DPP10: variants seen among roughly 807,000 people sequenced by gnomAD.
The protein encoded by DPP10 is dipeptidyl peptidase like 10.
DPP10 carries 33 observed loss-of-function variants against 120.9 expected under a neutral mutation model. That is an observed-to-expected ratio of 0.27 (90% CI 0.21 to 0.37). The LOEUF (loss-of-function observed/expected upper bound fraction) is 0.37. DPP10 is among the 10% of genes least tolerant of loss of function. The probability of loss-of-function intolerance (pLI) is 1.00; values close to 1 mark genes in which losing one functional copy is unlikely to be tolerated. For missense variants in DPP10, 816 were observed against 942.8 expected (o/e 0.87, Z 1.76); for synonymous variants, 337 against 326.1 (o/e 1.03, Z -0.36).
rs538117331 is a variant in DPP10, at chr2:115,039,547, G to C, written c.61-269692G>C. Among the ~76,000 whole-genome samples, 12 of 152,164 alleles carry C rather than the reference G, an allele frequency of 7.9e-5. No individual in the cohort carries two copies. The East Asian group carries it at 2.3e-3, about 30-fold the overall frequency. On this transcript the variant is annotated intron_variant, in intron 1 of 25. Transcript: ENST00000410059. ...GAGGTCAAGACCTTCCCAGTGGTTT[G>C]TTTTTGACCTGGAAAATTTTGTGTG... is the stretch of plus-strand genomic sequence containing the variant.
intron 1 of DPP10, among the ~76,000 whole-genome samples, chr2:114,989,267 G>A (rs1162250335): frequency 6.6e-6 from 1 of 152,072 alleles, no homozygotes; most frequent in African/African-American, 2.4e-5. Flanking sequence ...TCTATGCAAG[G>A]TTCTCTTATA....
intron 16 of DPP10, 69 bp from the exon 17 acceptor site, chr2:115,782,283 T>C (rs1368551991): frequency 7.1e-7 from 1 of 1,402,072 alleles, no homozygotes; most frequent in Non-Finnish European, 9.9e-7. Flanking sequence ...AAAACTATTA[T>C]GTAAACTTTC....
At position 115,604,831 on chromosome 2, in the gene DPP10, C is replaced by T. The variant is rs374753864; in HGVS notation, c.441+78859C>T. 1.5e-4 allele frequency among the ~76,000 whole-genome samples: 23 copies of T among 152,288 alleles called. No homozygotes were observed. In the South Asian group the frequency reaches 4.8e-3, roughly 32 times the overall value. ...ATACTGCAAAAACTCCTGTGTAAGA[C>T]TGTTTAGGTCATTTAAAGTCTGCAC... On this transcript the variant is annotated intron_variant, in intron 5 of 25. Transcript: ENST00000410059.
chr2:114,934,579 C>T (rs1318473736), intron 1 of DPP10, among the ~76,000 whole-genome samples: 1 of 151,794 alleles, frequency 6.6e-6, no homozygotes, highest in Admixed American at 6.6e-5. Flanking sequence ...ATAAGTGGAC[C>T]CCTGTAGTTG....
intron 1 of DPP10, among the ~76,000 whole-genome samples, chr2:115,223,219 G>A (rs1021200059): frequency 6.6e-6 from 1 of 152,040 alleles, no homozygotes; most frequent in Non-Finnish European, 1.5e-5. Flanking sequence ...CCTCAAGTAA[G>A]TTTTAACTTT....
chr2:115,226,890 A>G (rs944617162), intron 1 of DPP10, among the ~76,000 whole-genome samples: 33 of 152,186 alleles, frequency 2.2e-4, no homozygotes, highest in African/African-American at 7.2e-4. Context: ...GAAGATTTCC[A>G]TGAGGCATAT....
chr2:115,188,013 A>G (rs922684215), intron 1 of DPP10, among the ~76,000 whole-genome samples: 1 of 151,256 alleles, frequency 6.6e-6, no homozygotes, highest in African/African-American at 2.4e-5. Context: ...GAGTGAGACT[A>G]TTTCAAAAAA....
chr2:115,467,102 G>T (rs1342944549), intron 3 of DPP10, among the ~76,000 whole-genome samples: 1 of 152,056 alleles, frequency 6.6e-6, no homozygotes, highest in Non-Finnish European at 1.5e-5. Context: ...AATTTGGAAG[G>T]CGTGGGGAAA....
At chr2:115,840,629 T>C in intron 24 of DPP10, 121 bp from the exon 25 acceptor site, 2 of 1,025,404 alleles carry the variant, frequency 2.0e-6, no homozygotes, top group Non-Finnish European at 2.8e-6. Context: ...CAGCCAGATA[T>C]AAGTCTTTTA....
chr2:115,458,861 G>C (rs1010770869), intron 3 of DPP10, among the ~76,000 whole-genome samples: 5 of 152,092 alleles, frequency 3.3e-5, no homozygotes, highest in African/African-American at 1.2e-4. Flanking sequence ...TGTTAAACAT[G>C]TAAAATATAC....
chr2:115,610,565 G>A (rs975823492), intron 5 of DPP10, among the ~76,000 whole-genome samples: 5 of 151,692 alleles, frequency 3.3e-5, no homozygotes, highest in African/African-American at 1.2e-4. Flanking sequence ...ACATAAAAGA[G>A]CTACATGGGC....
At position 114,950,244 on chromosome 2, in the gene DPP10, C is replaced by T. The variant is rs376548915; in HGVS notation, c.61-358995C>T. On this transcript the variant is annotated intron_variant, in intron 1 of 25. Transcript: ENST00000410059. Reference sequence around the variant, plus strand: ...TTTTTTTGTCATTAATGTCAAATTGCCAAGACAACTACCCTATGTGGGTAA... The same window carrying T: ...TTTTTTTGTCATTAATGTCAAATTGTCAAGACAACTACCCTATGTGGGTAA... Among the ~76,000 whole-genome samples, 25 of 150,864 alleles carry T rather than the reference C, an allele frequency of 1.7e-4. No homozygotes were observed. In the South Asian group the frequency reaches 5.0e-3, roughly 30 times the overall value.
intron 3 of DPP10, among the ~76,000 whole-genome samples, chr2:115,392,656 A>G (rs1334789896): frequency 6.6e-6 from 1 of 152,110 alleles, no homozygotes; most frequent in Admixed American, 6.5e-5. Flanking sequence ...TGAGCAAGAT[A>G]TTATAGTTTA....
intron 2 of DPP10, among the ~76,000 whole-genome samples, chr2:115,322,791 G>A (rs2062130454): frequency 6.6e-6 from 1 of 152,094 alleles, no homozygotes; most frequent in Admixed American, 6.5e-5. Flanking sequence ...TAAAAGTTAT[G>A]TTTATCGTAT....
intron 5 of DPP10, among the ~76,000 whole-genome samples, chr2:115,535,954 C>T (rs975125365): frequency 1.3e-5 from 2 of 151,906 alleles, no homozygotes; most frequent in Admixed American, 6.6e-5. Context: ...GATTTTTGCA[C>T]ATTGATTTTG....
rs1199980242 is a variant in DPP10, at chr2:115,162,116, C to T, written c.61-147123C>T. The T allele has an allele frequency of 7.9e-6, 12 of 1,515,264 alleles. No individual in the cohort carries two copies. The Middle Eastern group carries it at 7.1e-4, about 89-fold the overall frequency. 93.9% of individuals were successfully genotyped at this position (1,515,264 alleles called of 1,614,324 possible). On this transcript the variant is annotated intron_variant, in intron 1 of 25. Coordinates refer to ENST00000410059, the MANE Select transcript of DPP10 (RefSeq NM_020868.6). ...CGCCTCCCGCTTCCCAGGCTGGGCT[C>T]CCGCGCCTCCCTCTTCTCACCCTCC...
At chr2:114,514,871 G>A (rs1684462648) in intron 1 of DPP10, among the ~76,000 whole-genome samples, 1 of 151,806 alleles carries the variant, frequency 6.6e-6, no homozygotes, top group African/African-American at 2.4e-5. Flanking sequence ...ACAGCAACAG[G>A]AGTTACCCAT....
At chr2:114,555,684 A>G (rs1309004328) in intron 1 of DPP10, among the ~76,000 whole-genome samples, 1 of 152,178 alleles carries the variant, frequency 6.6e-6, no homozygotes, top group Admixed American at 6.5e-5. Flanking sequence ...AGACAAAGAA[A>G]AAATATTTAA....
At chr2:115,528,415 C>A (rs2078263490) in intron 5 of DPP10, among the ~76,000 whole-genome samples, 1 of 149,182 alleles carries the variant, frequency 6.7e-6, no homozygotes, top group Admixed American at 6.7e-5. Flanking sequence ...CTAATTATAC[C>A]ACATAAATAA....
Sources: allele counts gnomAD v4.1 joint callset (sites outside exome capture counted in the v4.1 genomes callset), GRCh38; gene constraint gnomAD v4.1.1; transcripts MANE v1.5; gene names NCBI Gene and HGNC (gene_info 2026-07-23, HGNC 2026-07-21).